The following FOXO1 variants were observed in gnomAD, a reference collection of about 807,000 sequenced individuals.
The protein encoded by FOXO1 is forkhead box protein O1.
FOXO1 carries 6 observed loss-of-function variants against 44.1 expected under a neutral mutation model. That is an observed-to-expected ratio of 0.14 (90% confidence interval 0.07 to 0.27). The LOEUF (loss-of-function observed/expected upper bound fraction) is 0.27. Among genes scored for constraint, FOXO1 ranks in the 10% least tolerant of loss-of-function variants. The pLI is 1.00. For missense variants in FOXO1, 737 were observed against 888.8 expected, an observed-to-expected ratio of 0.83 and a Z score of 2.17; for synonymous variants, 380 against 362.7, an observed-to-expected ratio of 1.05 and a Z score of -0.54.
Position 40,559,581 on chromosome 13 carries a change from G to A in FOXO1, c.1910C>T (p.Pro637Leu). 1 of 1,613,456 alleles carries A rather than the reference G, an allele frequency of 6.2e-7. No individual in the cohort carries two copies. The highest frequency in any genetic ancestry group is 8.5e-7 in the Non-Finnish European group (1 of 1,179,676). ...TLDFNFDNVL[P>L]NQSFPHSVKT... ...GACACTGTGTGGGAAGCTTTGGTTGGGCAACACATTGTCAAAGTTAAAATC... is the reference window on the plus strand; with the variant it reads ...GACACTGTGTGGGAAGCTTTGGTTGAGCAACACATTGTCAAAGTTAAAATC... The change falls in exon 2 of 3, where the codon CCC becomes CTC. Residue 637 changes from proline (P) to leucine (L), a missense_variant. By Grantham distance (98) the Pro-to-Leu change is moderately conservative. Around this residue, in one of 7 missense-constraint regions of FOXO1, gnomAD observed 45 missense variants for 78.3 expected, o/e 0.57. Coordinates refer to ENST00000379561, the MANE Select transcript of FOXO1 (RefSeq NM_002015.4).
chr13:40,569,263 G>C (rs1874392698), intron 1 of FOXO1, among the ~76,000 whole-genome samples: 1 of 152,244 alleles, frequency 6.6e-6, no homozygotes, highest in African/African-American at 2.4e-5. Context: ...AACCGGAGGT[G>C]CCGGCTCTGG....
At chr13:40,635,076 A>G (rs1390216390) in intron 1 of FOXO1, among the ~76,000 whole-genome samples, 5 of 152,234 alleles carry the variant, frequency 3.3e-5, no homozygotes, top group African/African-American at 1.2e-4. Flanking sequence ...CATATCATTT[A>G]CAATTCATAA....
intron 1 of FOXO1, among the ~76,000 whole-genome samples, chr13:40,640,891 C>T (rs983141536): frequency 3.9e-5 from 6 of 152,144 alleles, no homozygotes; most frequent in Non-Finnish European, 8.8e-5. Flanking sequence ...TCAAGCCATT[C>T]TCCTGCCTCA....
At chr13:40,621,162 A>G in intron 1 of FOXO1, 1 of 509,808 alleles carries the variant, frequency 2.0e-6, no homozygotes, top group Non-Finnish European at 3.6e-6. Flanking sequence ...GCATAACAGT[A>G]TTGATAGTGA....
chr13:40,612,631 T>C (rs1436118023), intron 1 of FOXO1, among the ~76,000 whole-genome samples: 3 of 152,236 alleles, frequency 2.0e-5, no homozygotes, highest in Non-Finnish European at 4.4e-5. Flanking sequence ...CCATGTACAG[T>C]AGTCCTTCCC....
chr13:40,583,304 G>A (rs1366543423), intron 1 of FOXO1, among the ~76,000 whole-genome samples: 1 of 152,170 alleles, frequency 6.6e-6, no homozygotes, highest in Non-Finnish European at 1.5e-5. Context: ...AAGGGCACTA[G>A]AATTTTCTGA....
intron 1 of FOXO1, among the ~76,000 whole-genome samples, chr13:40,580,655 G>A (rs61963264): frequency 0.17 from 25,640 of 152,058 alleles, 2,526 homozygotes; most frequent in South Asian, 0.29. Flanking sequence ...TCCAAGCAAG[G>A]CACACCTCAT....
At chr13:40,631,774 G>A (rs1417798588) in intron 1 of FOXO1, among the ~76,000 whole-genome samples, 6 of 152,206 alleles carry the variant, frequency 3.9e-5, no homozygotes, top group Non-Finnish European at 5.9e-5. Context: ...GAGGAAATGC[G>A]AAGTTATTGT....
chr13:40,642,818 C>G (rs1877393817), intron 1 of FOXO1, among the ~76,000 whole-genome samples: 1 of 152,076 alleles, frequency 6.6e-6, no homozygotes, highest in Admixed American at 6.5e-5. Context: ...ACTTCAGAGG[C>G]TGAAGTGGGA....
At chr13:40,656,252 C>G (rs969789445) in intron 1 of FOXO1, among the ~76,000 whole-genome samples, 3 of 152,154 alleles carry the variant, frequency 2.0e-5, no homozygotes, top group African/African-American at 7.2e-5. Context: ...TCAAGGATAT[C>G]TAATATTTAG....
intron 1 of FOXO1, among the ~76,000 whole-genome samples, chr13:40,624,317 T>TTAAAAAAAAAAAAAAAAAAAAAAA (rs781451856): frequency 9.9e-6 from 1 of 100,952 alleles, no homozygotes; most frequent in African/African-American, 3.4e-5. Context: ...TAATACTGCT[T>TTAAAAAAAAAAAAAAAAAAAAAAA]AAAAAAAAAA....
chr13:40,634,683 C>CTT (rs762426679), intron 1 of FOXO1, among the ~76,000 whole-genome samples: 2 of 142,930 alleles, frequency 1.4e-5, no homozygotes, highest in Admixed American at 7.0e-5. Flanking sequence ...GGCTTTAGTA[C>CTT]TTTTTTTTTT....
At chr13:40,603,232 G>C (rs116405858) in intron 1 of FOXO1, among the ~76,000 whole-genome samples, 30 of 151,594 alleles carry the variant, frequency 2.0e-4, no homozygotes, top group African/African-American at 7.0e-4. Context: ...GTATCCTAAA[G>C]AAAGTAGGTT....
rs1876180402 is a variant in FOXO1 at position 40,610,192 on chromosome 13, T to A, written c.631-49332A>T. On this transcript the variant is annotated intron_variant, in intron 1 of 2. Transcript: ENST00000379561. ...TTTTATTAACTAAGGACATCCGGGG[T>A]GCTTTTTGTGGAAGCATGAGCATAC... is the stretch of plus-strand genomic sequence containing the variant. Among the ~76,000 whole-genome samples the A allele has an allele frequency of 2.6e-5, 4 of 152,080 alleles. No individual in the cohort carries two copies. The South Asian group carries it at 8.3e-4, about 32-fold the overall frequency.
intron 1 of FOXO1, among the ~76,000 whole-genome samples, chr13:40,645,294 C>T (rs1010325160): frequency 6.6e-6 from 1 of 152,164 alleles, no homozygotes; most frequent in Non-Finnish European, 1.5e-5. Context: ...TTTACCAGAA[C>T]ACTATGAAGG....
At position 40,603,606 on chromosome 13, in the gene FOXO1, T is replaced by C. The variant is rs192302787; in HGVS notation, c.631-42746A>G. Among the ~76,000 whole-genome samples, 8 of 152,256 alleles carry C rather than the reference T, an allele frequency of 5.3e-5. 1 individual carries two copies. The highest frequency in any genetic ancestry group is 5.2e-4 in the Admixed American group (8 of 15,296). On this transcript the variant is annotated intron_variant, in intron 1 of 2. Transcript: ENST00000379561. ...TCTTATAAACCCTAAACCCACAGTATATTGTCACCACAGATTTACAATTTG... is the reference window on the plus strand; with the variant it reads ...TCTTATAAACCCTAAACCCACAGTACATTGTCACCACAGATTTACAATTTG...
At chr13:40,576,946 T>G (rs1313000282) in intron 1 of FOXO1, among the ~76,000 whole-genome samples, 1 of 152,256 alleles carries the variant, frequency 6.6e-6, no homozygotes, top group Non-Finnish European at 1.5e-5. Context: ...ATAACATCTT[T>G]CAGGTTGTTT....
Position 40,665,768 on chromosome 13 carries a change from G to C in FOXO1, c.445C>G (p.Pro149Ala). The C allele has an allele frequency of 7.4e-7, 1 of 1,354,490 alleles. No individual in the cohort carries two copies. Among genetic ancestry groups the C allele is most frequent in the South Asian group, 1.9e-5 (1 of 51,824 alleles). The allele number at this position is 1,354,490 out of a possible 1,614,324, so 83.9% of individuals were successfully genotyped here. A position where few individuals can be genotyped will look rare whatever the true frequency, so the allele number is the denominator to read the frequency against. Residue 149 changes from proline to alanine, a missense_variant, in exon 1 of 3, where the codon CCG (proline) becomes GCG (alanine). Pro to Ala is a conservative substitution (Grantham distance 27, BLOSUM62 -1). Around this residue, in one of 7 missense-constraint regions of FOXO1, gnomAD observed 213 missense variants for 236.4 expected, o/e 0.90. Coordinates refer to ENST00000379561, the MANE Select transcript of FOXO1 (RefSeq NM_002015.4). Reference protein sequence around the residue: ...PAAAGPLAGQPRKSSSSRRNA... With the variant: ...PAAAGPLAGQARKSSSSRRNA... Reference sequence around the variant, plus strand: ...CGGCGGGACGAGCTGCTCTTGCGCGGCTGCCCCGCGAGCGGCCCAGCGGCG... The same window carrying C: ...CGGCGGGACGAGCTGCTCTTGCGCGCCTGCCCCGCGAGCGGCCCAGCGGCG...
At chr13:40,648,284 G>A (rs190807364) in intron 1 of FOXO1, among the ~76,000 whole-genome samples, 15 of 152,222 alleles carry the variant, frequency 9.9e-5, no homozygotes, top group Admixed American at 2.6e-4. Flanking sequence ...AATACACACC[G>A]GCTAAGAGTT....
Sources: allele counts gnomAD v4.1 joint callset (sites outside exome capture counted in the v4.1 genomes callset), GRCh38; gene constraint gnomAD v4.1.1; regional missense constraint gnomAD v4.1.1; transcripts MANE v1.5; gene names NCBI Gene and HGNC (gene_info 2026-07-23, HGNC 2026-07-21).